Variants in ERBB4 observed in about 807,000 individuals in gnomAD.
The protein encoded by ERBB4 is erb-b2 receptor tyrosine kinase 4, also known as receptor tyrosine-protein kinase erbB-4.
ERBB4 carries 42 observed loss-of-function variants against 158.0 expected under a neutral mutation model. That is an observed-to-expected ratio of 0.27 (90% CI 0.21 to 0.34). The LOEUF is 0.34. Among genes scored for constraint, ERBB4 ranks in the 10% least tolerant of loss-of-function variants. The probability of loss-of-function intolerance (pLI) is 1.00; values close to 1 mark genes in which losing one functional copy is unlikely to be tolerated. For missense variants in ERBB4, 1,333 were observed against 1,624.1 expected (o/e 0.82, Z 3.08); for synonymous variants, 583 against 558.7 (o/e 1.04, Z -0.61).
In ERBB4 at chr2:212,227,909, G is replaced by A. The variant is rs2083527904; in HGVS notation, c.83-103006C>T. Among the ~76,000 whole-genome samples the A allele has an allele frequency of 3.3e-5, 5 of 152,238 alleles. No homozygotes were observed. The South Asian group carries it at 8.3e-4, about 25-fold the overall frequency. ...CATAAATAATAATGAGATTTACTGT[G>A]ATGCGACAGCATGCTTTGGCATTGT... On this transcript the variant is annotated intron_variant, in intron 1 of 27. Transcript: ENST00000342788.
At chr2:211,737,602 A>G (rs1431752270) in intron 5 of ERBB4, among the ~76,000 whole-genome samples, 3 of 152,216 alleles carry the variant, frequency 2.0e-5, no homozygotes, top group African/African-American at 4.8e-5. Context: ...CAGATTAGAC[A>G]CATTGCTTAA....
chr2:212,256,414 G>A (rs1336778477), intron 1 of ERBB4, among the ~76,000 whole-genome samples: 1 of 152,080 alleles, frequency 6.6e-6, no homozygotes, highest in East Asian at 1.9e-4. Context: ...ACTGTAATGA[G>A]TTAGGTCAAA....
chr2:211,603,188 G>C (rs562480906), intron 19 of ERBB4, among the ~76,000 whole-genome samples: 2 of 152,018 alleles, frequency 1.3e-5, no homozygotes, highest in Non-Finnish European at 2.9e-5. Context: ...CCGAGATCGC[G>C]TCACTGCACT....
At chr2:211,654,943 G>A (rs964302402) in intron 16 of ERBB4, among the ~76,000 whole-genome samples, 1 of 152,120 alleles carries the variant, frequency 6.6e-6, no homozygotes. Flanking sequence ...ATCTCAGAGT[G>A]AATATGTCCT....
intron 1 of ERBB4, among the ~76,000 whole-genome samples, chr2:212,286,113 G>T (rs2085952529): frequency 1.3e-5 from 2 of 152,070 alleles, no homozygotes; most frequent in Non-Finnish European, 2.9e-5. Flanking sequence ...ATCTTACTGA[G>T]ACCGAGATTT....
At chr2:211,516,177 A>G (rs2066026483) in intron 20 of ERBB4, among the ~76,000 whole-genome samples, 1 of 151,254 alleles carries the variant, frequency 6.6e-6, no homozygotes, top group African/African-American at 2.4e-5. Flanking sequence ...CGGCCTCCCA[A>G]AGTGCTGGGA....
intron 12 of ERBB4, among the ~76,000 whole-genome samples, chr2:211,681,130 G>A (rs1265010102): frequency 1.3e-5 from 2 of 151,862 alleles, no homozygotes; most frequent in African/African-American, 4.8e-5. Context: ...TTTTTATATA[G>A]TTTCTTTCAT....
At chr2:212,411,184 G>T (rs949506106) in intron 1 of ERBB4, among the ~76,000 whole-genome samples, 10 of 151,930 alleles carry the variant, frequency 6.6e-5, no homozygotes, top group Non-Finnish European at 1.2e-4. Flanking sequence ...TAAATTAATT[G>T]ATCAGATATG....
intron 16 of ERBB4, among the ~76,000 whole-genome samples, chr2:211,630,966 T>C (rs533181707): frequency 6.6e-6 from 1 of 152,160 alleles, no homozygotes; most frequent in Non-Finnish European, 1.5e-5. Context: ...AGGAAATGCA[T>C]TGTAAGAATA....
At chr2:212,285,232 G>GT (rs1303375096) in intron 1 of ERBB4, among the ~76,000 whole-genome samples, 1 of 152,090 alleles carries the variant, frequency 6.6e-6, no homozygotes, top group Non-Finnish European at 1.5e-5. Flanking sequence ...GTGGTTGAAG[G>GT]TAAGGGTGAG....
chr2:212,538,327 G>A (rs1693223769), intron 1 of ERBB4, 122 bp downstream of exon 1: 5 of 843,052 alleles, frequency 5.9e-6, no homozygotes, highest in South Asian at 4.0e-5. Context: ...GCCCAGGGAA[G>A]AGGCCCCGGT....
chr2:212,166,960 T>C (rs2081364670), intron 1 of ERBB4, among the ~76,000 whole-genome samples: 1 of 152,112 alleles, frequency 6.6e-6, no homozygotes, highest in South Asian at 2.1e-4. Context: ...ATTGAAGACT[T>C]AAATGTAAAA....
chr2:212,017,346 C>A (rs2076551950), intron 2 of ERBB4, among the ~76,000 whole-genome samples: 1 of 152,066 alleles, frequency 6.6e-6, no homozygotes, highest in Non-Finnish European at 1.5e-5. Context: ...GAGAGACACA[C>A]AACTCTATTT....
Position 212,125,022 on chromosome 2 carries a change from A to G in ERBB4, c.83-119T>C. On this transcript the variant is annotated intron_variant, in intron 1 of 27. Transcript: ENST00000342788. ...CTATCCCAGTTCTCTGAATATAAAT[A>G]TTTCGATCGTCATTAAGAGGCATAG... is the stretch of plus-strand genomic sequence containing the variant. 3 of 1,242,256 alleles carry G rather than the reference A, an allele frequency of 2.4e-6. No individual in the cohort carries two copies. The East Asian group carries it at 7.2e-5, about 30-fold the overall frequency. The allele number at this position is 1,242,256 out of a possible 1,614,324, so 77.0% of individuals were successfully genotyped here. A position where few individuals can be genotyped will look rare whatever the true frequency, so the allele number is the denominator to read the frequency against.
At chr2:212,074,642 A>G (rs2078221299) in intron 2 of ERBB4, among the ~76,000 whole-genome samples, 1 of 151,938 alleles carries the variant, frequency 6.6e-6, no homozygotes, top group African/African-American at 2.4e-5. Context: ...TCTCCATTTT[A>G]TAGGATGATT....
chr2:211,834,487 A>G (rs2077294812), intron 3 of ERBB4, among the ~76,000 whole-genome samples: 1 of 152,100 alleles, frequency 6.6e-6, no homozygotes, highest in Non-Finnish European at 1.5e-5. Context: ...GTCACTTAAA[A>G]AAAAAAAAGA....
intron 16 of ERBB4, among the ~76,000 whole-genome samples, chr2:211,651,635 C>G (rs1016989009): frequency 7.0e-6 from 1 of 142,672 alleles, no homozygotes; most frequent in Non-Finnish European, 1.5e-5. Flanking sequence ...GAGACAAAAT[C>G]TAGGAGATTC....
chr2:211,676,840 T>C (rs2105950187), intron 13 of ERBB4, among the ~76,000 whole-genome samples: 1 of 152,302 alleles, frequency 6.6e-6, no homozygotes, highest in South Asian at 2.1e-4. Flanking sequence ...TTGTTTCATT[T>C]ATCAATTGCT....
At chr2:211,967,338 T>C (rs1243287289) in intron 2 of ERBB4, among the ~76,000 whole-genome samples, 1 of 152,144 alleles carries the variant, frequency 6.6e-6, no homozygotes, top group Non-Finnish European at 1.5e-5. Context: ...TAAGAGGCTT[T>C]ACTTAAGATA....
Sources: allele counts gnomAD v4.1 joint callset (sites outside exome capture counted in the v4.1 genomes callset), GRCh38; gene constraint gnomAD v4.1.1; transcripts MANE v1.5; gene names NCBI Gene and HGNC (gene_info 2026-07-23, HGNC 2026-07-21).